SYT14: variants seen among roughly 807,000 people sequenced by gnomAD.
SYT14 encodes the protein synaptotagmin 14.
Under a neutral mutation model 74.2 loss-of-function variants are expected in SYT14, and 32 were observed. The observed-to-expected ratio is 0.43, with a 90% CI of 0.33 to 0.58. The LOEUF (loss-of-function observed/expected upper bound fraction) is 0.58, where lower values mean the gene tolerates loss of function less well. Ranked by LOEUF, SYT14 falls within the 20% of genes least tolerant of loss-of-function variation. The probability of loss-of-function intolerance (pLI) is 0.05; values close to 1 mark genes in which losing one functional copy is unlikely to be tolerated. For synonymous variants in SYT14, 298 were observed against 337.7 expected (o/e 0.88, Z 1.29); for missense variants, 791 against 981.8 (o/e 0.81, Z 2.60).
intron 1 of SYT14, among the ~76,000 whole-genome samples, chr1:209,939,032 TA>T (rs2078685528): frequency 6.6e-6 from 1 of 152,230 alleles, no homozygotes; most frequent in South Asian, 2.1e-4. Context: ...AACAGCTTAA[TA>T]AAAATTAAGT....
chr1:210,067,792 G>C (rs1302702576), intron 5 of SYT14, among the ~76,000 whole-genome samples: 1 of 151,850 alleles, frequency 6.6e-6, no homozygotes, highest in Non-Finnish European at 1.5e-5. Context: ...TGATAATATA[G>C]AAATGTGAGA....
At chr1:210,048,957 C>A (rs975529443) in intron 5 of SYT14, among the ~76,000 whole-genome samples, 1 of 152,260 alleles carries the variant, frequency 6.6e-6, no homozygotes, top group Admixed American at 6.5e-5. Context: ...TCCAGCAGGG[C>A]AGTCAAATCT....
intron 2 of SYT14, among the ~76,000 whole-genome samples, chr1:210,012,457 G>T (rs973676490): frequency 3.9e-5 from 6 of 152,152 alleles, no homozygotes; most frequent in Non-Finnish European, 8.8e-5. Flanking sequence ...GGCAAGGGAA[G>T]AAGATCAATA....
intron 2 of SYT14, among the ~76,000 whole-genome samples, chr1:209,974,568 T>G (rs1450603643): frequency 2.0e-5 from 3 of 152,200 alleles, no homozygotes; most frequent in Non-Finnish European, 2.9e-5. Context: ...TCCATTGGTC[T>G]ATATCTCTGT....
intron 5 of SYT14, among the ~76,000 whole-genome samples, chr1:210,069,939 C>G (rs531055884): frequency 6.6e-6 from 1 of 151,990 alleles, no homozygotes; most frequent in East Asian, 1.9e-4. Context: ...GGAAAGATCA[C>G]ATTATGAACA....
chr1:210,047,016 C>G (rs1340717481), intron 5 of SYT14, among the ~76,000 whole-genome samples: 1 of 151,952 alleles, frequency 6.6e-6, no homozygotes, highest in Non-Finnish European at 1.5e-5. Context: ...CAGTCTGATT[C>G]CAGATCTCCT....
intron 7 of SYT14, among the ~76,000 whole-genome samples, chr1:210,102,182 A>G (rs1041624150): frequency 6.6e-6 from 1 of 152,242 alleles, no homozygotes; most frequent in East Asian, 1.9e-4. Flanking sequence ...TTTGTTTTAC[A>G]GATTATTTCA....
At chr1:210,154,228 A>G (rs1409026599) in intron 7 of SYT14, among the ~76,000 whole-genome samples, 1 of 152,148 alleles carries the variant, frequency 6.6e-6, no homozygotes, top group Non-Finnish European at 1.5e-5. Flanking sequence ...CTTTCTAGAA[A>G]GATGTCTATT....
intron 2 of SYT14, among the ~76,000 whole-genome samples, chr1:209,979,819 G>A (rs1279354766): frequency 1.3e-4 from 20 of 152,182 alleles, no homozygotes; most frequent in Non-Finnish European, 5.9e-5. Flanking sequence ...ATTCCGTGGT[G>A]TATATGTACC....
intron 2 of SYT14, among the ~76,000 whole-genome samples, chr1:209,955,020 C>G (rs1558090617): frequency 6.6e-6 from 1 of 152,116 alleles, no homozygotes; most frequent in Non-Finnish European, 1.5e-5. Context: ...ATCACAACTT[C>G]TTTTTACCTC....
intron 5 of SYT14, among the ~76,000 whole-genome samples, chr1:210,079,044 C>T (rs868784200): frequency 3.9e-5 from 6 of 152,104 alleles, no homozygotes; most frequent in South Asian, 2.1e-4. Context: ...TGAGCCTCTG[C>T]GCCCAGCATG....
chr1:210,022,168 A>G (rs368433581), intron 5 of SYT14, among the ~76,000 whole-genome samples: 10 of 152,160 alleles, frequency 6.6e-5, no homozygotes, highest in African/African-American at 2.4e-4. Flanking sequence ...TTTAGGGCCT[A>G]TTACTATTGA....
At chr1:210,165,049 A>G (rs775699793) in exon 10 of SYT14, 1 of 152,194 alleles carries the variant, frequency 6.6e-6, no homozygotes, top group Non-Finnish European at 1.5e-5. Context: ...GATTCTCAAA[A>G]CAATACTGTG....
At chr1:210,077,772 G>A (rs1572260138) in intron 5 of SYT14, among the ~76,000 whole-genome samples, 1 of 152,008 alleles carries the variant, frequency 6.6e-6, no homozygotes, top group South Asian at 2.1e-4. Context: ...TCTTATCATA[G>A]ATATTTTAAT....
At chr1:210,135,612 T>C (rs1033884981) in intron 7 of SYT14, among the ~76,000 whole-genome samples, 10 of 152,104 alleles carry the variant, frequency 6.6e-5, no homozygotes, top group Non-Finnish European at 1.2e-4. Flanking sequence ...TTAATATGGG[T>C]TTTATTTTCC....
intron 7 of SYT14, among the ~76,000 whole-genome samples, chr1:210,137,156 G>A (rs1207950369): frequency 3.3e-5 from 5 of 152,270 alleles, no homozygotes; most frequent in East Asian, 1.9e-4. Flanking sequence ...TTTGTAATTT[G>A]TATCAATCCC....
chr1:209,951,769 G>A (rs891735902), intron 1 of SYT14, among the ~76,000 whole-genome samples: 3 of 152,088 alleles, frequency 2.0e-5, no homozygotes, highest in African/African-American at 7.2e-5. Context: ...GTGTATATAT[G>A]TATATTTATA....
chr1:210,165,219 TC>T (rs1227149213), exon 10 of SYT14: 2 of 151,868 alleles, frequency 1.3e-5, no homozygotes, highest in Non-Finnish European at 2.9e-5. Flanking sequence ...TGCATTTGCC[TC>T]CCTGTTTGAA....
intron 5 of SYT14, among the ~76,000 whole-genome samples, chr1:210,083,905 A>G (rs897533568): frequency 1.3e-5 from 2 of 150,342 alleles, no homozygotes; most frequent in Admixed American, 6.6e-5. Flanking sequence ...GAGTCTCACT[A>G]TGTTGCCCAG....
Sources: allele counts gnomAD v4.1 joint callset (sites outside exome capture counted in the v4.1 genomes callset), GRCh38; gene constraint gnomAD v4.1.1; transcripts MANE v1.5; gene names NCBI Gene and HGNC (gene_info 2026-07-23, HGNC 2026-07-21).